The following DSC3 variants were observed in gnomAD, a reference collection of about 807,000 sequenced individuals.
The protein encoded by DSC3 is desmocollin 3, also known as desmocollin-3.
A neutral mutation model predicts 89.5 loss-of-function variants in DSC3; 97 were observed. The ratio of observed to expected loss-of-function variants is 1.08; its 90% CI spans 0.92 to 1.28. DSC3 has a LOEUF of 1.28. DSC3 is among the 50% of genes most tolerant of loss of function. DSC3 has a pLI of 0.00. For missense variants in DSC3, 1,199 were observed against 1,085.3 expected (o/e 1.10, Z -1.47); for synonymous variants, 436 against 384.1 (o/e 1.14, Z -1.58).
intron 14 of DSC3, among the ~76,000 whole-genome samples, chr18:30,998,961 A>G (rs1314299734): frequency 1.3e-5 from 2 of 152,188 alleles, no homozygotes; most frequent in African/African-American, 4.8e-5. Context: ...TTCTTTCCTA[A>G]AGTTCAGTTT....
At chr18:30,994,406 A>T in intron 15 of DSC3, 34 bp from the exon 16 acceptor site, 1 of 1,602,252 alleles carries the variant, frequency 6.2e-7, no homozygotes, top group Non-Finnish European at 8.5e-7. Context: ...ATTGCATTAT[A>T]GTTTTAAACA....
At position 31,006,983 on chromosome 18, in the gene DSC3, A is replaced by G; in HGVS notation, c.1812T>C (p.His604=). The change falls in exon 12 of 16, where the codon CAT becomes CAC. Residue 604 remains histidine (H), a synonymous_variant. Coordinates refer to ENST00000360428, the MANE Select transcript of DSC3 (RefSeq NM_001941.5). ...ILAVDPDEPV[H]GAPFYFSLPN... is the part of the protein sequence containing the mutation. ...GCAAACTGAAATAAAATGGAGCTCCATGGACAGGTTCATCAGGATCAACAG... is the reference window on the plus strand; with the variant it reads ...GCAAACTGAAATAAAATGGAGCTCCGTGGACAGGTTCATCAGGATCAACAG... The G allele has an allele frequency of 3.7e-6, 6 of 1,613,950 alleles. No individual in the cohort carries two copies. Among genetic ancestry groups the G allele is most frequent in the Non-Finnish European group, 5.1e-6 (6 of 1,179,940 alleles).
At chr18:31,002,328 C>T (rs570789602) in intron 13 of DSC3, among the ~76,000 whole-genome samples, 1 of 152,168 alleles carries the variant, frequency 6.6e-6, no homozygotes, top group Non-Finnish European at 1.5e-5. Flanking sequence ...CAGAGCACTA[C>T]ATATTTTTGT....
intron 13 of DSC3, among the ~76,000 whole-genome samples, chr18:31,002,427 G>A (rs1056710225): frequency 3.3e-5 from 5 of 152,108 alleles, no homozygotes; most frequent in African/African-American, 1.2e-4. Context: ...ACAGCCGGGT[G>A]CAGTGGCTCA....
At chr18:31,037,827 G>A (rs1234752505) in intron 1 of DSC3, among the ~76,000 whole-genome samples, 1 of 152,042 alleles carries the variant, frequency 6.6e-6, no homozygotes, top group African/African-American at 2.4e-5. Flanking sequence ...TTGAATCTGG[G>A]AGGCGGAGGT....
intron 1 of DSC3, among the ~76,000 whole-genome samples, chr18:31,041,769 G>C (rs1036060049): frequency 7.9e-5 from 12 of 152,102 alleles, no homozygotes; most frequent in Non-Finnish European, 1.3e-4. Flanking sequence ...CGTCCTGGGC[G>C]GCAGGTTTCC....
At chr18:31,037,102 G>A (rs1364743824) in intron 1 of DSC3, among the ~76,000 whole-genome samples, 1 of 151,902 alleles carries the variant, frequency 6.6e-6, no homozygotes, top group African/African-American at 2.4e-5. Context: ...AATTATGTTT[G>A]TTTTTCAATA....
intron 1 of DSC3, among the ~76,000 whole-genome samples, chr18:31,034,997 C>CA (rs35015442): frequency 8.5e-4 from 130 of 152,064 alleles, no homozygotes; most frequent in African/African-American, 2.9e-3. Context: ...TGTCATTGAT[C>CA]AAAAAAATGA....
Position 30,990,258 on chromosome 18 carries a change from G to T in DSC3, c.*3917C>A, listed in dbSNP as rs1368815861. The T allele has an allele frequency of 2.6e-5, 4 of 152,084 alleles. No homozygotes were observed. The highest frequency in any genetic ancestry group is 6.5e-5 in the Admixed American group (1 of 15,278). The allele number at this position is 152,084 out of a possible 1,614,324, so 9.4% of individuals were successfully genotyped here. ...AGAGGAAATAAGTAGCCTTTCAAAG[G>T]TCACACAGAAGTAAGTGACAGATCC... On this transcript the variant is annotated 3_prime_UTR_variant, in exon 16 of 16. Coordinates refer to ENST00000360428, the MANE Select transcript of DSC3 (RefSeq NM_001941.5).
In DSC3 at chr18:30,990,101, A is replaced by C. The variant is rs947675610; in HGVS notation, c.*4074T>G. Reference sequence around the variant, plus strand: ...TATATCCAACTACATAATTTTACCAACTACCTCACACTTATAATTCTTTTA... The same window carrying C: ...TATATCCAACTACATAATTTTACCACCTACCTCACACTTATAATTCTTTTA... On this transcript the variant is annotated 3_prime_UTR_variant, in exon 16 of 16. Coordinates refer to ENST00000360428, the MANE Select transcript of DSC3 (RefSeq NM_001941.5). 1.3e-5 allele frequency: 2 copies of C among 152,206 alleles called. No individual in the cohort carries two copies. Among genetic ancestry groups the C allele is most frequent in the Admixed American group, 6.5e-5 (1 of 15,272 alleles). The allele number at this position is 152,206 out of a possible 1,614,324, so 9.4% of individuals were successfully genotyped here.
chr18:30,994,596 T>C, intron 15 of DSC3: 1 of 912,736 alleles, frequency 1.1e-6, no homozygotes, highest in Non-Finnish European at 1.6e-6. Context: ...AAAAATTATG[T>C]ATACAAGTTT....
chr18:31,011,498 C>G lies in DSC3; in HGVS notation c.1264-2973G>C, dbSNP rs538337374. The stretch of plus-strand genomic sequence containing the variant: ...ATGCACTCTTTCCCTGGATATAATT[C>G]TGACTAGCAAGGAAGAACCAGGGCA... On this transcript the variant is annotated intron_variant, in intron 9 of 15. Coordinates refer to ENST00000360428, the MANE Select transcript of DSC3 (RefSeq NM_001941.5). 3.4e-4 allele frequency among the ~76,000 whole-genome samples: 52 copies of G among 152,132 alleles called. 1 individual carries two copies. The highest frequency in any genetic ancestry group is 1.0e-4 in the Non-Finnish European group (7 of 68,034).
At chr18:31,041,971 C>G (rs1334772885) in intron 1 of DSC3, among the ~76,000 whole-genome samples, 1 of 152,082 alleles carries the variant, frequency 6.6e-6, no homozygotes, top group Non-Finnish European at 1.5e-5. Context: ...CACACTTTCG[C>G]GCCCCCGGCA....
At chr18:30,999,365 T>A (rs758658975) in intron 14 of DSC3, among the ~76,000 whole-genome samples, 1 of 152,040 alleles carries the variant, frequency 6.6e-6, no homozygotes, top group Non-Finnish European at 1.5e-5. Context: ...AAAAAAAGAA[T>A]TGAAAAGTAG....
intron 9 of DSC3, 107 bp from the exon 10 acceptor site, chr18:31,008,632 T>C (rs1984953222): frequency 1.4e-6 from 2 of 1,428,000 alleles, no homozygotes; most frequent in Non-Finnish European, 2.0e-6. Flanking sequence ...AAATTCTATG[T>C]TCACATGTTG....
At position 30,993,070 on chromosome 18, in the gene DSC3, C is replaced by T. The variant is rs1984327688; in HGVS notation, c.*1105G>A. 1 of 152,214 alleles carries T rather than the reference C, an allele frequency of 6.6e-6. No individual in the cohort carries two copies. Among genetic ancestry groups the T allele is most frequent in the African/African-American group, 2.4e-5 (1 of 41,446 alleles). The allele number at this position is 152,214 out of a possible 1,614,324, so 9.4% of individuals were successfully genotyped here. On this transcript the variant is annotated 3_prime_UTR_variant, in exon 16 of 16. Transcript: ENST00000360428. The stretch of plus-strand genomic sequence containing the variant: ...CCCTCAGCTCCCTCTAGCCTCTAAA[C>T]TCTAGGAGGACATGGTTATTTGGAT...
chr18:30,999,962 A>G (rs1984597447), intron 14 of DSC3, among the ~76,000 whole-genome samples: 1 of 152,178 alleles, frequency 6.6e-6, no homozygotes, highest in African/African-American at 2.4e-5. Flanking sequence ...CAAAGAACAG[A>G]TATTAAGTAA....
intron 1 of DSC3, among the ~76,000 whole-genome samples, chr18:31,037,103 T>C (rs1023474250): frequency 7.9e-5 from 12 of 152,174 alleles, no homozygotes; most frequent in Non-Finnish European, 1.0e-4. Context: ...ATTATGTTTG[T>C]TTTTCAATAA....
intron 1 of DSC3, among the ~76,000 whole-genome samples, chr18:31,038,983 G>T (rs1007860694): frequency 6.6e-6 from 1 of 151,974 alleles, no homozygotes; most frequent in Non-Finnish European, 1.5e-5. Context: ...AGGTTTGGAT[G>T]CCTTATTGAA....
Sources: allele counts gnomAD v4.1 joint callset (sites outside exome capture counted in the v4.1 genomes callset), GRCh38; gene constraint gnomAD v4.1.1; transcripts MANE v1.5; gene names NCBI Gene and HGNC (gene_info 2026-07-23, HGNC 2026-07-21).